NAALADL2: variants seen among roughly 807,000 people sequenced by gnomAD.
NAALADL2 encodes N-acetylated alpha-linked acidic dipeptidase like 2, also known as inactive N-acetylated-alpha-linked acidic dipeptidase-like protein 2.
NAALADL2 carries 76 observed loss-of-function variants against 87.2 expected under a neutral mutation model. The observed-to-expected ratio is 0.87, with a 90% CI of 0.72 to 1.05. The LOEUF (loss-of-function observed/expected upper bound fraction) is 1.05, where lower values mean the gene tolerates loss of function less well. NAALADL2 is among the 50% of genes least tolerant of loss of function. The pLI, the probability that NAALADL2 is intolerant of heterozygous loss-of-function variation, is 0.00. For synonymous variants in NAALADL2, 354 were observed against 331.0 expected (o/e 1.07, Z -0.75); for missense variants, 1,089 against 945.8 (o/e 1.15, Z -1.99).
intron 10 of NAALADL2, among the ~76,000 whole-genome samples, chr3:175,595,504 T>C (rs896469141): frequency 2.0e-5 from 3 of 152,098 alleles, no homozygotes; most frequent in Admixed American, 1.3e-4. Context: ...ACCGAAAGGC[T>C]GCTAGAACTG....
chr3:175,737,714 G>GTTTTTT (rs71164650), intron 12 of NAALADL2, among the ~76,000 whole-genome samples: 834 of 54,758 alleles, frequency 0.015, 172 homozygotes, highest in African/African-American at 0.029. Flanking sequence ...CAATGATCCA[G>GTTTTTT]TTTTTTTTTT....
chr3:175,088,652 C>T (rs565887551), intron 1 of NAALADL2, among the ~76,000 whole-genome samples: 21 of 152,302 alleles, frequency 1.4e-4, no homozygotes, highest in Non-Finnish European at 1.9e-4. Context: ...AAACATCTGA[C>T]AAATAGAGTG....
intron 3 of NAALADL2, among the ~76,000 whole-genome samples, chr3:174,846,876 A>G (rs1211983031): frequency 2.6e-5 from 4 of 152,168 alleles, no homozygotes; most frequent in African/African-American, 9.7e-5. Flanking sequence ...TATAGGAGAT[A>G]TAAGACCATA....
intron 2 of NAALADL2, among the ~76,000 whole-genome samples, chr3:174,594,327 C>A (rs138431147): frequency 6.6e-6 from 1 of 152,046 alleles, no homozygotes; most frequent in African/African-American, 2.4e-5. Flanking sequence ...GTTTTCATGC[C>A]GATTTCTTAA....
chr3:175,057,343 A>T (rs6809330), intron 1 of NAALADL2, among the ~76,000 whole-genome samples: 13,926 of 152,206 alleles, frequency 0.091, 647 homozygotes, highest in Middle Eastern at 0.19. Context: ...TCCATTTGAA[A>T]AGCCAAAGCA....
At chr3:175,019,096 G>A (rs1226599951) in intron 1 of NAALADL2, among the ~76,000 whole-genome samples, 1 of 151,912 alleles carries the variant, frequency 6.6e-6, no homozygotes, top group Non-Finnish European at 1.5e-5. Flanking sequence ...TACCACTCCT[G>A]CTGAGCTGAC....
At position 175,147,338 on chromosome 3, in the gene NAALADL2, G is replaced by A. The variant is rs189408824; in HGVS notation, c.545+50047G>A. The stretch of plus-strand genomic sequence containing the variant: ...TCTCACTTATAAGTGAGAACATGCC[G>A]TATTTGGTTTTCTGTTCCTGGATTA... On this transcript the variant is annotated intron_variant, in intron 2 of 13. Transcript: ENST00000454872. Among the ~76,000 whole-genome samples, 391 of 152,170 alleles carry A rather than the reference G, an allele frequency of 2.6e-3. 1 individual carries two copies. The highest frequency in any genetic ancestry group is 9.1e-3 in the African/African-American group (376 of 41,528).
chr3:174,980,859 A>T (rs1201703144), intron 1 of NAALADL2, among the ~76,000 whole-genome samples: 1 of 152,116 alleles, frequency 6.6e-6, no homozygotes, highest in Non-Finnish European at 1.5e-5. Flanking sequence ...TATTTATTTG[A>T]ACAGTTCTAA....
chr3:175,161,173 AT>A (rs1209898108), intron 2 of NAALADL2, among the ~76,000 whole-genome samples: 2 of 152,082 alleles, frequency 1.3e-5, no homozygotes, highest in Non-Finnish European at 2.9e-5. Flanking sequence ...TACAGTAATG[AT>A]TTAGGCATCA....
At chr3:175,789,377 C>A (rs2108279996) in intron 13 of NAALADL2, among the ~76,000 whole-genome samples, 1 of 152,198 alleles carries the variant, frequency 6.6e-6, no homozygotes, top group East Asian at 1.9e-4. Context: ...TTAAAAGTAT[C>A]AAAATTCTAT....
At chr3:175,736,239 T>C (rs1045812049) in intron 11 of NAALADL2, among the ~76,000 whole-genome samples, 2 of 152,196 alleles carry the variant, frequency 1.3e-5, no homozygotes, top group Non-Finnish European at 2.9e-5. Context: ...ATGGGGGAAT[T>C]ATGTATGTAC....
At chr3:174,709,008 T>C (rs1036666665) in intron 2 of NAALADL2, among the ~76,000 whole-genome samples, 2 of 152,132 alleles carry the variant, frequency 1.3e-5, no homozygotes, top group African/African-American at 4.8e-5. Flanking sequence ...CCCAACATGA[T>C]TCAAATTATT....
intron 2 of NAALADL2, among the ~76,000 whole-genome samples, chr3:175,209,308 G>A (rs1229945976): frequency 6.6e-6 from 1 of 152,076 alleles, no homozygotes; most frequent in African/African-American, 2.4e-5. Context: ...TCAGTGCAGA[G>A]TCTGGAAGTG....
intron 11 of NAALADL2, among the ~76,000 whole-genome samples, chr3:175,641,228 C>G (rs1412964991): frequency 6.6e-6 from 1 of 152,182 alleles, no homozygotes; most frequent in Non-Finnish European, 1.5e-5. Context: ...CCAAGCCTTT[C>G]CTGGAGATGC....
At chr3:175,328,353 T>G (rs1241515413) in intron 5 of NAALADL2, among the ~76,000 whole-genome samples, 1 of 152,092 alleles carries the variant, frequency 6.6e-6, no homozygotes, top group African/African-American at 2.4e-5. Flanking sequence ...ATTATCCTCA[T>G]TAGATTGAAC....
At chr3:175,576,455 T>A (rs1048929345) in intron 10 of NAALADL2, among the ~76,000 whole-genome samples, 22 of 152,206 alleles carry the variant, frequency 1.4e-4, no homozygotes, top group Admixed American at 1.3e-3. Flanking sequence ...TTTGCAGTAG[T>A]TGGATTAACA....
chr3:174,712,675 C>T (rs975318011), intron 2 of NAALADL2, among the ~76,000 whole-genome samples: 7 of 151,994 alleles, frequency 4.6e-5, no homozygotes, highest in African/African-American at 7.2e-5. Context: ...CGTCAGCTAC[C>T]GCGCTCGGCC....
intron 3 of NAALADL2, among the ~76,000 whole-genome samples, chr3:174,797,133 A>C (rs1718190774): frequency 6.6e-6 from 1 of 151,826 alleles, no homozygotes; most frequent in Non-Finnish European, 1.5e-5. Flanking sequence ...TCATTTTTGT[A>C]TATGGTGAGA....
At chr3:175,353,115 T>TGTG (rs1386141558) in intron 5 of NAALADL2, among the ~76,000 whole-genome samples, 68 of 148,324 alleles carry the variant, frequency 4.6e-4, no homozygotes, top group African/African-American at 1.5e-3. Context: ...AAAATGTGTG[T>TGTG]GTGTGTGTGT....
Sources: allele counts gnomAD v4.1 joint callset (sites outside exome capture counted in the v4.1 genomes callset), GRCh38; gene constraint gnomAD v4.1.1; transcripts MANE v1.5; gene names NCBI Gene and HGNC (gene_info 2026-07-23, HGNC 2026-07-21).